RORA: variants seen among roughly 807,000 people sequenced by gnomAD.
RORA encodes RAR related orphan receptor A, also known as nuclear receptor ROR-alpha.
A neutral mutation model predicts 69.5 loss-of-function variants in RORA; 7 were observed. The ratio of observed to expected loss-of-function variants is 0.10; its 90% confidence interval spans 0.06 to 0.19. The LOEUF (loss-of-function observed/expected upper bound fraction) is 0.19, where lower values mean the gene tolerates loss of function less well. RORA is among the 10% of genes least tolerant of loss of function. The pLI, the probability that RORA is intolerant of heterozygous loss-of-function variation, is 1.00. For synonymous variants in RORA, 261 were observed against 240.8 expected (o/e 1.08, Z -0.78); for missense variants, 457 against 663.0 (o/e 0.69, Z 3.41).
At chr15:60,767,443 T>C (rs2072007902) in intron 1 of RORA, among the ~76,000 whole-genome samples, 1 of 152,202 alleles carries the variant, frequency 6.6e-6, no homozygotes, top group South Asian at 2.1e-4. Flanking sequence ...ACATGAAAAG[T>C]TGAGGCTGTT....
At chr15:60,855,650 G>A (rs1336214426) in intron 1 of RORA, among the ~76,000 whole-genome samples, 7 of 151,084 alleles carry the variant, frequency 4.6e-5, no homozygotes, top group Non-Finnish European at 7.4e-5. Flanking sequence ...ACTAAGTCTC[G>A]CTCTGTCGCC....
At chr15:60,798,094 C>T (rs996145382) in intron 1 of RORA, among the ~76,000 whole-genome samples, 11 of 151,838 alleles carry the variant, frequency 7.2e-5, no homozygotes, top group South Asian at 2.1e-4. Context: ...CAAAAGTTTC[C>T]GTCTGGCAAT....
chr15:61,158,663 C>T (rs559192165), intron 1 of RORA, among the ~76,000 whole-genome samples: 3 of 152,266 alleles, frequency 2.0e-5, no homozygotes, highest in East Asian at 1.9e-4. Flanking sequence ...TCCCTCAGTT[C>T]GCAGATGTGG....
intron 1 of RORA, among the ~76,000 whole-genome samples, chr15:61,093,881 C>T (rs1437539): frequency 0.37 from 55,778 of 152,052 alleles, 10,569 homozygotes; most frequent in African/African-American, 0.43. Context: ...ACATACTGAA[C>T]GAAAAGGAAA....
At chr15:61,212,182 G>T (rs2079998624) in intron 1 of RORA, among the ~76,000 whole-genome samples, 1 of 152,006 alleles carries the variant, frequency 6.6e-6, no homozygotes, top group South Asian at 2.1e-4. Flanking sequence ...GTTCTGCCAA[G>T]TGTGGGGCAG....
intron 1 of RORA, among the ~76,000 whole-genome samples, chr15:60,993,346 G>A (rs940204337): frequency 2.0e-5 from 3 of 151,996 alleles, no homozygotes; most frequent in Non-Finnish European, 2.9e-5. Context: ...GCAAGTTAAC[G>A]ACCTGGGATC....
chr15:61,191,882 G>C (rs1213432280), intron 1 of RORA, among the ~76,000 whole-genome samples: 2 of 152,246 alleles, frequency 1.3e-5, no homozygotes, highest in African/African-American at 4.8e-5. Context: ...TGTAGAGTGG[G>C]ATAGGTCTGA....
rs1187176561 is a variant in RORA, at chr15:61,226,365, A to G, written c.166+2688T>C. The stretch of plus-strand genomic sequence containing the variant: ...TTTTCCTTTCTAGTTGTGTGCCTTT[A>G]TGTTTTAAGTATTTAAAAGGCATAA... On this transcript the variant is annotated intron_variant, in intron 1 of 10. Transcript: ENST00000335670. This position sits in a 1 kb window ranked among gnomAD's most constrained non-coding sequence, Gnocchi z 4.2. Among the ~76,000 whole-genome samples the G allele has an allele frequency of 6.6e-6, 1 of 152,162 alleles. No homozygotes were observed. Among genetic ancestry groups the G allele is most frequent in the Non-Finnish European group, 1.5e-5 (1 of 68,032 alleles).
At chr15:61,083,587 G>A (rs1285361335) in intron 1 of RORA, among the ~76,000 whole-genome samples, 1 of 151,914 alleles carries the variant, frequency 6.6e-6, no homozygotes, top group Non-Finnish European at 1.5e-5. Context: ...ATACACTGTT[G>A]CCGACTCCAC....
intron 1 of RORA, among the ~76,000 whole-genome samples, chr15:60,918,588 T>C (rs990209211): frequency 3.3e-5 from 5 of 152,236 alleles, no homozygotes; most frequent in African/African-American, 1.2e-4. Context: ...ACATGATTAG[T>C]TGTGGCTTTG....
chr15:60,909,409 G>A (rs369452001), intron 1 of RORA, among the ~76,000 whole-genome samples: 7 of 152,290 alleles, frequency 4.6e-5, no homozygotes, highest in Admixed American at 2.0e-4. Flanking sequence ...GTGGGCTAAC[G>A]GGAAAAGTCA....
intron 1 of RORA, among the ~76,000 whole-genome samples, chr15:60,799,705 A>G (rs2072551703): frequency 6.6e-6 from 1 of 151,986 alleles, no homozygotes. Context: ...AAAATCATTT[A>G]TTTTTCTTTG....
At chr15:61,038,085 G>A (rs952461655) in intron 1 of RORA, among the ~76,000 whole-genome samples, 5 of 152,054 alleles carry the variant, frequency 3.3e-5, no homozygotes, top group South Asian at 4.1e-4. Flanking sequence ...ATGAACATTC[G>A]TCTATTATTC....
chr15:60,678,810 G>A (rs1025805676), intron 1 of RORA, 124 bp from the exon 2 acceptor site: 1 of 772,908 alleles, frequency 1.3e-6, no homozygotes, highest in Non-Finnish European at 2.3e-6. Context: ...AGCAAGACCA[G>A]TTTTAACATT....
intron 1 of RORA, among the ~76,000 whole-genome samples, chr15:61,084,309 C>G (rs965618733): frequency 6.6e-6 from 1 of 152,142 alleles, no homozygotes. Flanking sequence ...ATTCACCCAC[C>G]ATGTCAGGAA....
intron 2 of RORA, among the ~76,000 whole-genome samples, chr15:60,674,669 G>A (rs2070525689): frequency 6.6e-6 from 1 of 152,174 alleles, no homozygotes; most frequent in Admixed American, 6.5e-5. Context: ...TCAAACATTT[G>A]AAAATGTACT....
At chr15:61,169,643 G>GAAAAAA (rs59638048) in intron 1 of RORA, among the ~76,000 whole-genome samples, 1 of 86,304 alleles carries the variant, frequency 1.2e-5, no homozygotes, top group African/African-American at 4.2e-5. Flanking sequence ...CCATTTTCAT[G>GAAAAAA]AAAAAAAAAA....
At chr15:60,844,680 C>A (rs1001092090) in intron 1 of RORA, among the ~76,000 whole-genome samples, 1 of 152,180 alleles carries the variant, frequency 6.6e-6, no homozygotes, top group Non-Finnish European at 1.5e-5. Context: ...ACAGATGATA[C>A]CCTCAGCGAG....
chr15:61,025,141 T>A (rs1428294886), intron 1 of RORA, among the ~76,000 whole-genome samples: 4 of 152,108 alleles, frequency 2.6e-5, no homozygotes, highest in Non-Finnish European at 4.4e-5. Context: ...CCTTCATGTA[T>A]AAAATGATGA....
Sources: allele counts gnomAD v4.1 joint callset (sites outside exome capture counted in the v4.1 genomes callset), GRCh38; gene constraint gnomAD v4.1.1; non-coding constraint Gnocchi (gnomAD v3.1); transcripts MANE v1.5; gene names NCBI Gene and HGNC (gene_info 2026-07-23, HGNC 2026-07-21).